Variants in MAML3 observed in about 807,000 individuals in gnomAD.
MAML3 encodes mastermind like transcriptional coactivator 3, also known as mastermind-like protein 3.
MAML3 carries 27 observed loss-of-function variants against 101.9 expected under a neutral mutation model. The ratio of observed to expected loss-of-function variants is 0.27; its 90% confidence interval spans 0.20 to 0.37. The LOEUF (loss-of-function observed/expected upper bound fraction) is 0.37, where lower values mean the gene tolerates loss of function less well. MAML3 is among the 10% of genes least tolerant of loss of function. The probability of loss-of-function intolerance (pLI) is 1.00; values close to 1 mark genes in which losing one functional copy is unlikely to be tolerated. For missense variants in MAML3, 1,316 were observed against 1,444.9 expected (o/e 0.91, Z 1.45); for synonymous variants, 501 against 555.9 (o/e 0.90, Z 1.39).
chr4:139,889,206 C>T (rs773600753), intron 2 of MAML3, 151 bp downstream of exon 2: 3 of 1,450,236 alleles, frequency 2.1e-6, no homozygotes, highest in Admixed American at 3.3e-5. Context: ...AAAAAGAACA[C>T]TCCAAACCTG....
rs181364701 is a variant in MAML3, at chr4:139,717,210, C to T, written c.*2113G>A. 6.6e-6 allele frequency: 1 copy of T among 152,632 alleles called. No homozygotes were observed. Among genetic ancestry groups the T allele is most frequent in the Non-Finnish European group, 1.5e-5 (1 of 68,026 alleles). The allele number at this position is 152,632 out of a possible 1,614,324, so 9.5% of individuals were successfully genotyped here. ...TATTAAAATCTACCTATTAGTTGGT[C>T]CCAGTACTGAGCATTTGGAGGAAGC... On this transcript the variant is annotated 3_prime_UTR_variant, in exon 5 of 5. Transcript: ENST00000509479.
At chr4:140,092,117 TAC>T (rs1375127390) in intron 1 of MAML3, among the ~76,000 whole-genome samples, 7 of 133,118 alleles carry the variant, frequency 5.3e-5, no homozygotes, top group African/African-American at 1.7e-4. Context: ...TATATATATA[TAC>T]GTATATATAT....
At chr4:139,905,495 A>T in intron 1 of MAML3, among the ~76,000 whole-genome samples, 1 of 141,506 alleles carries the variant, frequency 7.1e-6, no homozygotes, top group African/African-American at 3.1e-5. Context: ...CTGTCTCAAA[A>T]AAAAAAAAAA....
intron 1 of MAML3, among the ~76,000 whole-genome samples, chr4:139,924,659 T>A (rs1055152403): frequency 2.0e-5 from 3 of 152,232 alleles, no homozygotes; most frequent in Non-Finnish European, 4.4e-5. Flanking sequence ...TTATATTGAA[T>A]AACAAGCCAG....
intron 1 of MAML3, among the ~76,000 whole-genome samples, chr4:139,930,056 TC>T (rs1339215459): frequency 3.3e-5 from 5 of 152,214 alleles, no homozygotes; most frequent in Admixed American, 3.3e-4. Context: ...AAAGTGTCTC[TC>T]CTGCCCCAAA....
Position 140,038,255 on chromosome 4 carries a change from T to C in MAML3, c.468+114605A>G, listed in dbSNP as rs979653408. On this transcript the variant is annotated intron_variant, in intron 1 of 4. Transcript: ENST00000509479. Reference sequence around the variant, plus strand: ...GAGCTGGAAAGGACCCTGAAGATGATTTGATCTCACACCTGCATTTTACAG... The same window carrying C: ...GAGCTGGAAAGGACCCTGAAGATGACTTGATCTCACACCTGCATTTTACAG... Among the ~76,000 whole-genome samples the C allele has an allele frequency of 5.3e-5, 8 of 152,328 alleles. No homozygotes were observed. In the East Asian group the frequency reaches 9.6e-4, roughly 18 times the overall value.
At chr4:139,869,119 A>G (rs1731955265) in intron 2 of MAML3, among the ~76,000 whole-genome samples, 1 of 152,370 alleles carries the variant, frequency 6.6e-6, no homozygotes, top group Middle Eastern at 3.4e-3. Context: ...GAAAGCATGC[A>G]AAGAGAAGAT....
chr4:140,134,319 C>T (rs945658772), intron 1 of MAML3: 20 of 456,594 alleles, frequency 4.4e-5, no homozygotes, highest in Non-Finnish European at 8.4e-5. Context: ...GGAACTTGTA[C>T]AACCAAGTCA....
At chr4:140,026,735 G>A (rs761216836) in intron 1 of MAML3, among the ~76,000 whole-genome samples, 3 of 152,028 alleles carry the variant, frequency 2.0e-5, no homozygotes. Context: ...ACACTCTATG[G>A]TAAATTTTGC....
intron 1 of MAML3, among the ~76,000 whole-genome samples, chr4:140,052,374 C>T (rs1484776377): frequency 6.6e-6 from 1 of 152,094 alleles, no homozygotes; most frequent in Non-Finnish European, 1.5e-5. Context: ...TAGAATTTCC[C>T]ACTGGCAGAA....
intron 1 of MAML3, among the ~76,000 whole-genome samples, chr4:140,015,402 A>C (rs976483969): frequency 1.3e-5 from 2 of 152,236 alleles, no homozygotes; most frequent in Non-Finnish European, 2.9e-5. Flanking sequence ...TTAAGGTAAA[A>C]AATAATAAAC....
At chr4:139,888,725 A>G (rs1732390361) in intron 2 of MAML3, 1 of 505,708 alleles carries the variant, frequency 2.0e-6, no homozygotes, top group Non-Finnish European at 4.0e-6. Context: ...AGCTGATTGT[A>G]TCAGAGAGGT....
At chr4:140,145,220 TA>T (rs1355809544) in intron 1 of MAML3, among the ~76,000 whole-genome samples, 1 of 152,124 alleles carries the variant, frequency 6.6e-6, no homozygotes, top group Non-Finnish European at 1.5e-5. Context: ...CCCATGGAAG[TA>T]AAACACTGTT....
intron 1 of MAML3, among the ~76,000 whole-genome samples, chr4:140,065,767 T>A (rs1727525587): frequency 6.6e-6 from 1 of 152,178 alleles, no homozygotes; most frequent in African/African-American, 2.4e-5. Flanking sequence ...ACCAATTGAA[T>A]CCATGTGAGA....
At chr4:139,790,287 C>T (rs1730385135) in intron 2 of MAML3, among the ~76,000 whole-genome samples, 2 of 141,316 alleles carry the variant, frequency 1.4e-5, no homozygotes, top group Admixed American at 7.1e-5. Flanking sequence ...ATAATATATA[C>T]CCTATATATA....
intron 2 of MAML3, among the ~76,000 whole-genome samples, chr4:139,800,270 T>C (rs1730581340): frequency 1.3e-5 from 2 of 152,178 alleles, no homozygotes; most frequent in Admixed American, 6.5e-5. Flanking sequence ...GCCATTTCTA[T>C]GTCTAGATTG....
At chr4:139,990,884 G>C (rs1734658842) in intron 1 of MAML3, among the ~76,000 whole-genome samples, 1 of 152,096 alleles carries the variant, frequency 6.6e-6, no homozygotes, top group African/African-American at 2.4e-5. Flanking sequence ...ACATACCACT[G>C]TTCAATGAAA....
intron 2 of MAML3, among the ~76,000 whole-genome samples, chr4:139,822,626 C>T (rs893033651): frequency 1.3e-5 from 2 of 152,166 alleles, no homozygotes; most frequent in African/African-American, 4.8e-5. Context: ...CTTTGAGTGA[C>T]CACAAACAAA....
chr4:140,048,270 G>A (rs1727213369), intron 1 of MAML3, among the ~76,000 whole-genome samples: 1 of 152,148 alleles, frequency 6.6e-6, no homozygotes, highest in South Asian at 2.1e-4. Flanking sequence ...CCCAAAACAT[G>A]TGCAAATTCA....
Sources: gnomAD v4.1 joint callset for allele counts (sites outside exome capture counted in the v4.1 genomes callset) on GRCh38, gnomAD v4.1.1 for gene constraint, MANE v1.5 for transcripts, NCBI Gene and HGNC (gene_info 2026-07-23, HGNC 2026-07-21) for gene names.